DYRK1A: variants seen among roughly 807,000 people sequenced by gnomAD.
The protein encoded by DYRK1A is dual specificity tyrosine phosphorylation regulated kinase 1A, also known as dual specificity tyrosine-phosphorylation-regulated kinase 1A.
DYRK1A carries 9 observed loss-of-function variants against 79.7 expected under a neutral mutation model. The ratio of observed to expected loss-of-function variants is 0.11; its 90% CI spans 0.07 to 0.20. The LOEUF is 0.20. DYRK1A is among the 10% of genes least tolerant of loss of function. The probability of loss-of-function intolerance (pLI) is 1.00; values close to 1 mark genes in which losing one functional copy is unlikely to be tolerated. For missense variants in DYRK1A, 622 were observed against 956.0 expected (o/e 0.65, Z 4.61); for synonymous variants, 349 against 329.7 (o/e 1.06, Z -0.63).
intron 1 of DYRK1A, among the ~76,000 whole-genome samples, chr21:37,371,789 T>G (rs1336569938): frequency 3.3e-5 from 5 of 151,726 alleles, no homozygotes; most frequent in Non-Finnish European, 5.9e-5. Context: ...AATTGATTTT[T>G]GGGGGGGGCC....
intron 1 of DYRK1A, among the ~76,000 whole-genome samples, chr21:37,391,157 A>G (rs1049773820): frequency 4.6e-5 from 7 of 152,180 alleles, no homozygotes; most frequent in South Asian, 4.1e-4. Context: ...GGAGAATGGC[A>G]TTTGGAAACC....
In DYRK1A at chr21:37,519,895, C is replaced by G. The variant is rs8131077; in HGVS notation, c.*7364C>G. ...TAGCTGGGACTACTGGCGCCCGCCA[C>G]CACGCCCGGCTAATTTTTTTTGTGT... is the stretch of plus-strand genomic sequence containing the variant. On this transcript the variant is annotated 3_prime_UTR_variant, in exon 12 of 12. Coordinates refer to ENST00000647188, the MANE Select transcript of DYRK1A (RefSeq NM_001347721.2). 0.23 allele frequency: 35,216 copies of G among 151,804 alleles called. 4,436 individuals carry two copies. Among genetic ancestry groups the G allele is most frequent in the African/African-American group, 0.33 (13,420 of 41,176 alleles). The allele number at this position is 151,804 out of a possible 1,614,324, so 9.4% of individuals were successfully genotyped here.
intron 2 of DYRK1A, among the ~76,000 whole-genome samples, chr21:37,444,578 G>A (rs1176534180): frequency 3.9e-5 from 6 of 151,950 alleles, no homozygotes; most frequent in Admixed American, 3.9e-4. Flanking sequence ...AGATGGACAA[G>A]AAGGGTTTTC....
intron 1 of DYRK1A, among the ~76,000 whole-genome samples, chr21:37,368,366 GGA>G (rs2049360384): frequency 6.6e-6 from 1 of 152,178 alleles, no homozygotes; most frequent in Admixed American, 6.5e-5. Flanking sequence ...CTCTCGCTTC[GGA>G]GCCACCAAAG....
intron 1 of DYRK1A, among the ~76,000 whole-genome samples, chr21:37,390,248 T>C (rs1451943098): frequency 6.6e-6 from 1 of 152,170 alleles, no homozygotes; most frequent in Non-Finnish European, 1.5e-5. Flanking sequence ...GGCCGCAATT[T>C]TGGGGTCTTA....
chr21:37,454,853 C>A (rs2051582325), intron 2 of DYRK1A, among the ~76,000 whole-genome samples: 1 of 152,076 alleles, frequency 6.6e-6, no homozygotes, highest in African/African-American at 2.4e-5. Context: ...AGGCTTTCCA[C>A]TATATTGAGA....
At chr21:37,499,906 C>T (rs1035290161) in intron 9 of DYRK1A, among the ~76,000 whole-genome samples, 5 of 152,130 alleles carry the variant, frequency 3.3e-5, no homozygotes, top group Admixed American at 2.6e-4. Context: ...TCCACATCTG[C>T]AGTCAAATGT....
intron 5 of DYRK1A, among the ~76,000 whole-genome samples, chr21:37,485,186 C>T (rs572867699): frequency 2.0e-5 from 3 of 152,078 alleles, no homozygotes; most frequent in Non-Finnish European, 4.4e-5. Flanking sequence ...TGGCAGTTAG[C>T]CTGTTAACTG....
intron 1 of DYRK1A, among the ~76,000 whole-genome samples, chr21:37,385,904 A>C (rs117938746): frequency 2.4e-3 from 371 of 152,300 alleles, no homozygotes; most frequent in Non-Finnish European, 3.9e-3. Context: ...AGCCTGGGGA[A>C]AATTACCTTC....
intron 1 of DYRK1A, among the ~76,000 whole-genome samples, chr21:37,411,572 G>C (rs2050245788): frequency 6.6e-6 from 1 of 152,166 alleles, no homozygotes; most frequent in African/African-American, 2.4e-5. Flanking sequence ...TACAGGTGTA[G>C]AAATGTTGAC....
At chr21:37,488,906 A>G (rs759865954) in intron 6 of DYRK1A, 72 of 964,730 alleles carry the variant, frequency 7.5e-5, no homozygotes, top group Non-Finnish European at 8.8e-5. Flanking sequence ...TATAAACTGA[A>G]GTGACTAAGA....
intron 1 of DYRK1A, among the ~76,000 whole-genome samples, chr21:37,372,901 C>T (rs964337457): frequency 6.6e-6 from 1 of 152,042 alleles, no homozygotes; most frequent in African/African-American, 2.4e-5. Context: ...TTCTTTGCAA[C>T]CCTTACTGCA....
intron 2 of DYRK1A, among the ~76,000 whole-genome samples, chr21:37,438,260 G>T (rs1264973291): frequency 6.6e-6 from 1 of 151,880 alleles, no homozygotes; most frequent in Non-Finnish European, 1.5e-5. Context: ...CCTAGTCCAT[G>T]GCTTGTCTTT....
At chr21:37,483,617 G>A (rs746001277) in intron 5 of DYRK1A, among the ~76,000 whole-genome samples, 1 of 151,982 alleles carries the variant, frequency 6.6e-6, no homozygotes, top group Non-Finnish European at 1.5e-5. Context: ...GGGTCTCACT[G>A]TATCAGCCTG....
chr21:37,477,360 C>A (rs2052436823), intron 3 of DYRK1A, among the ~76,000 whole-genome samples: 2 of 152,160 alleles, frequency 1.3e-5, no homozygotes, highest in Admixed American at 6.5e-5. Context: ...ATTGCAAGAA[C>A]CCCCATTGGG....
intron 2 of DYRK1A, among the ~76,000 whole-genome samples, chr21:37,423,792 A>G (rs1365959570): frequency 2.6e-5 from 4 of 152,176 alleles, no homozygotes; most frequent in Non-Finnish European, 5.9e-5. Context: ...TTGAGGATGA[A>G]TAAACATGGA....
At position 37,505,301 on chromosome 21, in the gene DYRK1A, A is replaced by G. The variant is rs1569396720; in HGVS notation, c.1231A>G (p.Thr411Ala). The change falls in exon 10 of 12, where the codon ACC becomes GCC. Residue 411 changes from threonine to alanine, a missense_variant. Coordinates refer to ENST00000647188, the MANE Select transcript of DYRK1A (RefSeq NM_001347721.2). Reference protein sequence around the residue: ...DGKREYKPPGTRKLHNILGVE... With the variant: ...DGKREYKPPGARKLHNILGVE... ...CTTACAGGAGTACAAACCACCAGGAACCCGTAAACTTCATAACATTCTTGG... is the reference window on the plus strand; with the variant it reads ...CTTACAGGAGTACAAACCACCAGGAGCCCGTAAACTTCATAACATTCTTGG... The G allele has an allele frequency of 6.2e-7, 1 of 1,610,844 alleles. No individual in the cohort carries two copies. The highest frequency in any genetic ancestry group is 8.5e-7 in the Non-Finnish European group (1 of 1,177,384).
intron 1 of DYRK1A, among the ~76,000 whole-genome samples, chr21:37,392,812 G>C (rs1426565368): frequency 2.0e-5 from 3 of 152,232 alleles, no homozygotes; most frequent in Non-Finnish European, 2.9e-5. Context: ...TGGAGGATGG[G>C]AAGTCCAAGA....
rs376969579 is a variant in DYRK1A at position 37,494,127 on chromosome 21, A to G, written c.1071+964A>G. Reference sequence around the variant, plus strand: ...GGCTGCTCTCGAACTCCTGACCTCAAGTGGTCTGCCCGTCTCAGCCTCCCA... The same window carrying G: ...GGCTGCTCTCGAACTCCTGACCTCAGGTGGTCTGCCCGTCTCAGCCTCCCA... On this transcript the variant is annotated intron_variant, in intron 8 of 11. Coordinates refer to ENST00000647188, the MANE Select transcript of DYRK1A (RefSeq NM_001347721.2). 2.6e-4 allele frequency among the ~76,000 whole-genome samples: 40 copies of G among 151,782 alleles called. No homozygotes were observed. The East Asian group carries it at 7.4e-3, about 28-fold the overall frequency.
Sources: allele counts gnomAD v4.1 joint callset (sites outside exome capture counted in the v4.1 genomes callset), GRCh38; gene constraint gnomAD v4.1.1; transcripts MANE v1.5; gene names NCBI Gene and HGNC (gene_info 2026-07-23, HGNC 2026-07-21).